Variants in RASAL2 observed in about 807,000 individuals in gnomAD.
RASAL2 encodes the protein ras GTPase-activating protein nGAP.
RASAL2 carries 58 observed loss-of-function variants against 128.9 expected under a neutral mutation model. That is an observed-to-expected ratio of 0.45 (90% CI 0.36 to 0.56). The LOEUF (loss-of-function observed/expected upper bound fraction) is 0.56, where lower values mean the gene tolerates loss of function less well. Among genes scored for constraint, RASAL2 ranks in the 20% least tolerant of loss-of-function variants. The pLI is 0.00. For missense variants in RASAL2, 1,360 were observed against 1,601.6 expected (o/e 0.85, Z 2.57); for synonymous variants, 561 against 580.8 (o/e 0.97, Z 0.49).
chr1:178,477,238 A>G lies in RASAL2; in HGVS notation c.*3999A>G, dbSNP rs1199534200. ...TCTCCTGCTTACCCCAGCAGTAAAT[A>G]GTTGCCTTCCTACCCCTTACCTGGG... is the stretch of plus-strand genomic sequence containing the variant. On this transcript the variant is annotated 3_prime_UTR_variant, in exon 18 of 18. Transcript: ENST00000367649. The G allele has an allele frequency of 6.6e-6, 1 of 152,184 alleles. No individual in the cohort carries two copies. The highest frequency in any genetic ancestry group is 2.4e-5 in the African/African-American group (1 of 41,426). 9.4% of individuals were successfully genotyped at this position (152,184 alleles called of 1,614,324 possible).
chr1:178,447,731 G>T, intron 9 of RASAL2, among the ~76,000 whole-genome samples: 1 of 135,784 alleles, frequency 7.4e-6, no homozygotes, highest in Middle Eastern at 4.4e-3. Context: ...ATGAGACTCT[G>T]AATGACTGTA....
chr1:178,282,903 C>T (rs913774363), intron 1 of RASAL2, among the ~76,000 whole-genome samples: 2 of 152,078 alleles, frequency 1.3e-5, no homozygotes, highest in African/African-American at 4.8e-5. Flanking sequence ...TGTTAGTAAC[C>T]ACTTGGTATT....
At chr1:178,405,388 A>G (rs919796481) in intron 4 of RASAL2, among the ~76,000 whole-genome samples, 1 of 152,196 alleles carries the variant, frequency 6.6e-6, no homozygotes, top group African/African-American at 2.4e-5. Context: ...ATCCTAATAC[A>G]TGGAAATTGT....
chr1:178,320,967 G>C (rs1036333141), intron 3 of RASAL2, among the ~76,000 whole-genome samples: 1 of 152,172 alleles, frequency 6.6e-6, no homozygotes, highest in African/African-American at 2.4e-5. Flanking sequence ...CACATTCTAA[G>C]TTTTCAGTAT....
intron 2 of RASAL2, among the ~76,000 whole-genome samples, chr1:178,290,416 T>C (rs1048650095): frequency 1.3e-5 from 2 of 152,328 alleles, no homozygotes; most frequent in South Asian, 2.1e-4. Flanking sequence ...AGAAAAATAA[T>C]TGATGCGGTG....
At chr1:178,399,977 C>T (rs951007416) in intron 4 of RASAL2, among the ~76,000 whole-genome samples, 25 of 152,190 alleles carry the variant, frequency 1.6e-4, no homozygotes, top group African/African-American at 5.8e-4. Flanking sequence ...ATGAACAAGA[C>T]TAGTTTCATA....
chr1:178,351,051 G>C (rs986540265), intron 3 of RASAL2, among the ~76,000 whole-genome samples: 15 of 152,148 alleles, frequency 9.9e-5, no homozygotes, highest in African/African-American at 3.4e-4. Context: ...GGACTTGGGT[G>C]GGGGAGATGC....
At chr1:178,318,508 T>G (rs1668595363) in intron 3 of RASAL2, among the ~76,000 whole-genome samples, 1 of 150,550 alleles carries the variant, frequency 6.6e-6, no homozygotes, top group African/African-American at 2.4e-5. Context: ...TTAGGATAGT[T>G]AGCTCTTCTT....
At chr1:178,325,949 G>A (rs1669019842) in intron 3 of RASAL2, among the ~76,000 whole-genome samples, 1 of 152,078 alleles carries the variant, frequency 6.6e-6, no homozygotes, top group Admixed American at 6.6e-5. Flanking sequence ...AAACTAGCCA[G>A]GCATGTTGGT....
chr1:178,235,197 A>G (rs773000596), intron 1 of RASAL2, among the ~76,000 whole-genome samples: 4 of 152,336 alleles, frequency 2.6e-5, no homozygotes, highest in Admixed American at 6.5e-5. Context: ...AAGAATGTCA[A>G]AGGAAATTAA....
intron 1 of RASAL2, among the ~76,000 whole-genome samples, chr1:178,260,499 C>T (rs990993947): frequency 1.5e-4 from 22 of 143,954 alleles, no homozygotes; most frequent in African/African-American, 5.6e-4. Context: ...TTTTTCCCTA[C>T]AGTCTTGACT....
At chr1:178,106,831 T>C (rs1174271739) in intron 1 of RASAL2, among the ~76,000 whole-genome samples, 1 of 152,178 alleles carries the variant, frequency 6.6e-6, no homozygotes, top group African/African-American at 2.4e-5. Flanking sequence ...TTCAGTTATT[T>C]GCATTTTAGG....
chr1:178,386,952 A>G (rs1439869297), intron 3 of RASAL2, among the ~76,000 whole-genome samples: 1 of 152,242 alleles, frequency 6.6e-6, no homozygotes, highest in Non-Finnish European at 1.5e-5. Context: ...TTAAAGTTAA[A>G]GGCACAAGTT....
At chr1:178,204,510 C>T (rs1662977113) in intron 1 of RASAL2, among the ~76,000 whole-genome samples, 2 of 152,168 alleles carry the variant, frequency 1.3e-5, no homozygotes, top group South Asian at 4.2e-4. Flanking sequence ...CCTTCTTAGG[C>T]AGCTACACAG....
chr1:178,140,786 A>G (rs1412083561), intron 1 of RASAL2, among the ~76,000 whole-genome samples: 1 of 152,270 alleles, frequency 6.6e-6, no homozygotes, highest in Non-Finnish European at 1.5e-5. Flanking sequence ...GTTTTACTTG[A>G]AAAGCAAAAT....
intron 3 of RASAL2, among the ~76,000 whole-genome samples, chr1:178,321,387 C>CAATAATTTTTT (rs1480344519): frequency 1.3e-5 from 2 of 152,086 alleles, no homozygotes; most frequent in Non-Finnish European, 2.9e-5. Flanking sequence ...CGCCCCGCCT[C>CAATAATTTTTT]AATAATTTTT....
chr1:178,200,479 C>G (rs1357862097), intron 1 of RASAL2, among the ~76,000 whole-genome samples: 1 of 152,166 alleles, frequency 6.6e-6, no homozygotes, highest in Non-Finnish European at 1.5e-5. Flanking sequence ...TTGCTTCTAA[C>G]TGGACCAAGT....
chr1:178,151,297 T>G lies in RASAL2; in HGVS notation c.202+56603T>G, dbSNP rs1448571134. Among the ~76,000 whole-genome samples, 4 of 152,242 alleles carry G rather than the reference T, an allele frequency of 2.6e-5. No homozygotes were observed. In the East Asian group the frequency reaches 7.7e-4, roughly 29 times the overall value. On this transcript the variant is annotated intron_variant, in intron 1 of 17. Coordinates refer to ENST00000367649, the MANE Select transcript of RASAL2 (RefSeq NM_170692.4). ...GGCACATGCCTGTGGTCCTAGCTAC[T>G]CAGAGACTGAGTCAGGAGAATTGCT...
chr1:178,150,723 G>A (rs1660883877), intron 1 of RASAL2, among the ~76,000 whole-genome samples: 1 of 152,038 alleles, frequency 6.6e-6, no homozygotes, highest in African/African-American at 2.4e-5. Context: ...TCACCTGCTT[G>A]TTAAATTTTA....
Sources: gnomAD v4.1 joint callset for allele counts (sites outside exome capture counted in the v4.1 genomes callset) on GRCh38, gnomAD v4.1.1 for gene constraint, MANE v1.5 for transcripts, NCBI Gene and HGNC (gene_info 2026-07-23, HGNC 2026-07-21) for gene names.